The following FGD5 variants were observed in gnomAD, a reference collection of about 807,000 sequenced individuals.
FGD5 encodes the protein FYVE, RhoGEF and PH domain-containing protein 5.
FGD5 carries 28 observed loss-of-function variants against 133.4 expected under a neutral mutation model. The ratio of observed to expected loss-of-function variants is 0.21; its 90% CI spans 0.16 to 0.29. The LOEUF (loss-of-function observed/expected upper bound fraction) is 0.29. Among genes scored for constraint, FGD5 ranks in the 10% least tolerant of loss-of-function variants. The pLI is 1.00. For missense variants in FGD5, 1,858 were observed against 1,895.2 expected (o/e 0.98, Z 0.36); for synonymous variants, 810 against 776.5 (o/e 1.04, Z -0.72).
chr3:14,898,834 C>A lies in FGD5; in HGVS notation c.3154+8C>A, dbSNP rs1450572216. 6.4e-7 allele frequency: 1 copy of A among 1,570,330 alleles called. No homozygotes were observed. The highest frequency in any genetic ancestry group is 1.9e-5 in the Admixed American group (1 of 53,392). ...ACCAAGTGCTCCTCACAGGTGGGCC[C>A]CACAGGAGATCAATGGGGACTGAGG... is the stretch of plus-strand genomic sequence containing the variant. On this transcript the variant is annotated splice_region_variant and intron_variant, in intron 7 of 19. Transcript: ENST00000285046.
At chr3:14,817,395 C>A (rs1242383063), upstream of FGD5, among the ~76,000 whole-genome samples, 1 of 152,126 alleles carries the variant, frequency 6.6e-6, no homozygotes, top group African/African-American at 2.4e-5. Context: ...GGGGTTTCAC[C>A]ATGTTGACCA....
Position 14,933,422 on chromosome 3 carries a change from C to T in FGD5, c.*255C>T, listed in dbSNP as rs2038932649. The T allele has an allele frequency of 2.0e-6, 1 of 511,034 alleles. No homozygotes were observed. The allele number at this position is 511,034 out of a possible 1,614,324, so 31.7% of individuals were successfully genotyped here. A position where few individuals can be genotyped will look rare whatever the true frequency, so the allele number is the denominator to read the frequency against. Reference sequence around the variant, plus strand: ...CCCCCACCCGCCACCCAGTAATAAACTATTTCCTTACCCCGCAGTGAGTTA... The same window carrying T: ...CCCCCACCCGCCACCCAGTAATAAATTATTTCCTTACCCCGCAGTGAGTTA... On this transcript the variant is annotated 3_prime_UTR_variant, in exon 20 of 20. Transcript: ENST00000285046.
chr3:14,837,686 A>G (rs1166648838), intron 1 of FGD5, among the ~76,000 whole-genome samples: 2 of 152,184 alleles, frequency 1.3e-5, no homozygotes, highest in Non-Finnish European at 2.9e-5. Context: ...ATGCTCATCC[A>G]CAAAAGTGCT....
At chr3:14,895,825 CTAAGTGCTGATATT>C (rs1474832929) in intron 4 of FGD5, among the ~76,000 whole-genome samples, 1 of 151,892 alleles carries the variant, frequency 6.6e-6, no homozygotes, top group African/African-American at 2.4e-5. Flanking sequence ...ATCTTTGGCC[CTAAGTGCTGATATT>C]AAAGTGCTGA....
intron 1 of FGD5, among the ~76,000 whole-genome samples, chr3:14,851,095 TG>T (rs2037154903): frequency 6.6e-6 from 1 of 152,098 alleles, no homozygotes; most frequent in Non-Finnish European, 1.5e-5. Context: ...GGGCCCACAC[TG>T]GTGACAGAGG....
intron 1 of FGD5, among the ~76,000 whole-genome samples, chr3:14,859,354 C>T (rs184105008): frequency 1.3e-5 from 2 of 152,072 alleles, no homozygotes; most frequent in Non-Finnish European, 2.9e-5. Context: ...GTGAGGAGTT[C>T]GAGACCAGCC....
At chr3:14,910,111 A>T (rs1276608386) in intron 10 of FGD5, among the ~76,000 whole-genome samples, 1 of 152,202 alleles carries the variant, frequency 6.6e-6, no homozygotes, top group Non-Finnish European at 1.5e-5. Flanking sequence ...AAATAAAAAT[A>T]AAAAATACAT....
chr3:14,903,124 C>G (rs1162925588), intron 9 of FGD5, among the ~76,000 whole-genome samples: 2 of 152,182 alleles, frequency 1.3e-5, no homozygotes, highest in Non-Finnish European at 1.5e-5. Flanking sequence ...GCTGTCATCC[C>G]ATTCATCTCC....
chr3:14,865,192 GC>G (rs2037471308), intron 2 of FGD5, among the ~76,000 whole-genome samples: 1 of 135,914 alleles, frequency 7.4e-6, no homozygotes, highest in African/African-American at 2.8e-5. Flanking sequence ...CGCCCCCTTC[GC>G]CCGCTTCCCA....
rs1288920402 is a variant in FGD5, at chr3:14,820,857, T to A, written c.1786T>A (p.Ser596Thr). 6.2e-7 allele frequency: 1 copy of A among 1,613,630 alleles called. No homozygotes were observed. The highest frequency in any genetic ancestry group is 2.2e-5 in the East Asian group (1 of 44,842). The change falls in exon 1 of 20, where the codon TCC becomes ACC. Residue 596 changes from serine (S) to threonine (T), a missense_variant. Transcript: ENST00000285046. The part of the protein sequence containing the change: ...SCVIGSSGSF[S>T]QRNHLPSSGT... ...TGTAATTGGCTCCTCTGGGAGTTTC[T>A]CCCAGAGAAACCACCTTCCGTCCAG...
intron 4 of FGD5, among the ~76,000 whole-genome samples, chr3:14,885,577 G>A (rs1335588797): frequency 6.6e-6 from 1 of 152,352 alleles, no homozygotes; most frequent in Admixed American, 6.5e-5. Flanking sequence ...GAGGCTGGCT[G>A]TTGTCCGAGA....
chr3:14,882,325 C>T (rs1314059356), intron 4 of FGD5: 1 of 985,244 alleles, frequency 1.0e-6, no homozygotes, highest in East Asian at 1.1e-4. Context: ...GCCCTGCTTC[C>T]TGCCAGTTGG....
intron 1 of FGD5, among the ~76,000 whole-genome samples, chr3:14,846,774 T>A (rs2037059712): frequency 6.6e-6 from 1 of 152,254 alleles, no homozygotes; most frequent in South Asian, 2.1e-4. Flanking sequence ...CCCCTGGGCC[T>A]TGCTTTCTTC....
In FGD5 at chr3:14,921,972, G is replaced by A. The variant is rs1451105794; in HGVS notation, c.3624G>A (p.Glu1208=). 2 of 1,571,894 alleles carry A rather than the reference G, an allele frequency of 1.3e-6. No individual in the cohort carries two copies. The highest frequency in any genetic ancestry group is 1.9e-5 in the Admixed American group (1 of 53,780). Residue 1208 remains glutamate (E), a synonymous_variant, in exon 14 of 20, where the codon GAG becomes GAA. Transcript: ENST00000285046. ...GCTGTCTGAGCAGAGCCCTCCCTGA[G>A]GACTACAAGGCCCAGGCGCTGGCTG... ...WYGCLSRALP[E]DYKAQALAAF...
chr3:14,877,652 A>G lies in FGD5; in HGVS notation c.2659-2920A>G, dbSNP rs149870789. Reference sequence around the variant, plus strand: ...CTTCCAGCATAGTTGTCTTTGTGCCATTGTGGCCACGTTCTGAGGATCCGG... The same window carrying G: ...CTTCCAGCATAGTTGTCTTTGTGCCGTTGTGGCCACGTTCTGAGGATCCGG... On this transcript the variant is annotated intron_variant, in intron 2 of 19. Transcript: ENST00000285046. Among the ~76,000 whole-genome samples the G allele has an allele frequency of 1.9e-3, 286 of 152,174 alleles. 9 individuals are homozygous for G. The East Asian group carries it at 0.043, about 23-fold the overall frequency.
chr3:14,861,829 G>A (rs2037403256), intron 1 of FGD5, among the ~76,000 whole-genome samples: 2 of 152,158 alleles, frequency 1.3e-5, no homozygotes, highest in South Asian at 4.1e-4. Context: ...AGCTCTTGGG[G>A]CCAAATCCCA....
At chr3:14,856,483 T>C (rs775055934) in intron 1 of FGD5, among the ~76,000 whole-genome samples, 1 of 152,208 alleles carries the variant, frequency 6.6e-6, no homozygotes, top group Non-Finnish European at 1.5e-5. Context: ...ATTTTTACAA[T>C]AGTAATTCTT....
At chr3:14,866,664 G>A (rs1471910125) in intron 2 of FGD5, among the ~76,000 whole-genome samples, 1 of 152,218 alleles carries the variant, frequency 6.6e-6, no homozygotes, top group Non-Finnish European at 1.5e-5. Flanking sequence ...AGGAGAACTA[G>A]AACAATGCAT....
chr3:14,933,093 G>A, intron 19 of FGD5, 38 bp from the exon 20 acceptor site: 1 of 1,607,748 alleles, frequency 6.2e-7, no homozygotes, highest in East Asian at 2.2e-5. Flanking sequence ...CATAGGCAGA[G>A]CCGCAAAACC....
Sources: gnomAD v4.1 joint callset for allele counts (sites outside exome capture counted in the v4.1 genomes callset) on GRCh38, gnomAD v4.1.1 for gene constraint, MANE v1.5 for transcripts, NCBI Gene and HGNC (gene_info 2026-07-23, HGNC 2026-07-21) for gene names.